Variants in TMEM132C observed in about 807,000 individuals in gnomAD.
TMEM132C encodes protein phosphatase 1, regulatory subunit 152.
Under a neutral mutation model 61.4 loss-of-function variants are expected in TMEM132C, and 29 were observed. That is an observed-to-expected ratio of 0.47 (90% CI 0.35 to 0.64). The LOEUF is 0.64. Among genes scored for constraint, TMEM132C ranks in the 30% least tolerant of loss-of-function variants. TMEM132C has a pLI of 0.00. For missense variants in TMEM132C, 1,408 were observed against 1,476.9 expected (o/e 0.95, Z 0.76); for synonymous variants, 656 against 633.1 (o/e 1.04, Z -0.54).
At chr12:128,434,915 G>C (rs7960249) in intron 2 of TMEM132C, among the ~76,000 whole-genome samples, 116,162 of 152,042 alleles carry the variant, frequency 0.76, 44,944 homozygotes, top group Non-Finnish European at 0.82. Context: ...AGCCACCGCA[G>C]CCGGCCCATA....
chr12:128,499,049 A>T (rs1872068467), intron 2 of TMEM132C, among the ~76,000 whole-genome samples: 1 of 152,208 alleles, frequency 6.6e-6, no homozygotes, highest in Non-Finnish European at 1.5e-5. Flanking sequence ...TTATAGGGAA[A>T]TACAAAGGAC....
chr12:128,358,777 A>G (rs916008630), intron 1 of TMEM132C, among the ~76,000 whole-genome samples: 3 of 152,188 alleles, frequency 2.0e-5, no homozygotes, highest in Non-Finnish European at 4.4e-5. Context: ...ATTTAAAAGA[A>G]AAAAATGCAC....
chr12:128,272,837 G>T (rs1870567359), intron 1 of TMEM132C, among the ~76,000 whole-genome samples: 1 of 151,954 alleles, frequency 6.6e-6, no homozygotes, highest in Non-Finnish European at 1.5e-5. Context: ...TTCAAATATT[G>T]TACCCATTTT....
chr12:128,692,342 G>A (rs1296826375), intron 5 of TMEM132C, among the ~76,000 whole-genome samples: 1 of 152,202 alleles, frequency 6.6e-6, no homozygotes, highest in Non-Finnish European at 1.5e-5. Flanking sequence ...ATAAGCAGCT[G>A]AGGTAAGGAA....
intron 2 of TMEM132C, among the ~76,000 whole-genome samples, chr12:128,465,401 A>C (rs1870696968): frequency 6.6e-6 from 1 of 151,936 alleles, no homozygotes; most frequent in Non-Finnish European, 1.5e-5. Context: ...GGTTTTTGCC[A>C]TGTTGGCCAG....
At chr12:128,603,193 A>G (rs1876265576) in intron 3 of TMEM132C, among the ~76,000 whole-genome samples, 1 of 152,138 alleles carries the variant, frequency 6.6e-6, no homozygotes, top group African/African-American at 2.4e-5. Context: ...GGCCCTGGAA[A>G]TTTTGCATTA....
At chr12:128,682,941 C>A (rs898682670) in intron 5 of TMEM132C, among the ~76,000 whole-genome samples, 19 of 152,308 alleles carry the variant, frequency 1.2e-4, no homozygotes, top group African/African-American at 4.3e-4. Flanking sequence ...TTTGTAGAGG[C>A]ATCACCGCAT....
intron 2 of TMEM132C, among the ~76,000 whole-genome samples, chr12:128,442,585 TTA>T (rs1491202986): frequency 3.3e-5 from 5 of 149,556 alleles, no homozygotes; most frequent in African/African-American, 1.2e-4. Flanking sequence ...TGTCAGTGTT[TTA>T]AAAAAAAAAA....
intron 6 of TMEM132C, among the ~76,000 whole-genome samples, chr12:128,695,557 A>G (rs1954753896): frequency 6.6e-6 from 1 of 152,232 alleles, no homozygotes; most frequent in Non-Finnish European, 1.5e-5. Flanking sequence ...ATTAATAAAA[A>G]TTAAAATAGC....
At position 128,326,029 on chromosome 12, in the gene TMEM132C, T is replaced by G. The variant is rs1193393; in HGVS notation, c.85+58542T>G. Among the ~76,000 whole-genome samples, 22,387 of 152,036 alleles carry G rather than the reference T, an allele frequency of 0.15. 3,626 individuals are homozygous for G. The highest frequency in any genetic ancestry group is 0.42 in the East Asian group (2,163 of 5,154). On this transcript the variant is annotated intron_variant, in intron 1 of 8. Coordinates refer to ENST00000435159, the MANE Select transcript of TMEM132C (RefSeq NM_001136103.3). The surrounding 1 kb of genome is among the most constrained non-coding windows in gnomAD (Gnocchi z 5.6). ...GTATTCCTGGGTCCTGACGCCATAC[T>G]CAGGACATGGCCAGTATTCACACAG...
chr12:128,659,780 GAA>G (rs63116460), intron 4 of TMEM132C, among the ~76,000 whole-genome samples: 2,134 of 147,930 alleles, frequency 0.014, 47 homozygotes, highest in African/African-American at 0.05. Context: ...GGTCTGGAGA[GAA>G]ATGAAAAATG....
At chr12:128,289,164 G>T (rs75768580) in intron 1 of TMEM132C, 1 of 95,122 alleles carries the variant, frequency 1.1e-5, no homozygotes, top group South Asian at 3.6e-4. Flanking sequence ...ACGCTCATAC[G>T]CATGCACTCA....
At chr12:128,398,357 C>T (rs1041954640) in intron 1 of TMEM132C, among the ~76,000 whole-genome samples, 3 of 152,166 alleles carry the variant, frequency 2.0e-5, no homozygotes, top group African/African-American at 4.8e-5. Context: ...ACTCTCTCTC[C>T]GCAGGGAAAA....
At chr12:128,342,765 G>GGGCCCC (rs1873018643) in intron 1 of TMEM132C, among the ~76,000 whole-genome samples, 5 of 152,210 alleles carry the variant, frequency 3.3e-5, no homozygotes, top group African/African-American at 1.2e-4. Context: ...TTCTCTGCCC[G>GGGCCCC]TGGGCCCCTG....
chr12:128,532,668 G>C (rs1276369207), intron 2 of TMEM132C, among the ~76,000 whole-genome samples: 1 of 104,546 alleles, frequency 9.6e-6, no homozygotes, highest in Non-Finnish European at 1.9e-5. Flanking sequence ...AAAAAAAAAA[G>C]AGCAGTAGCC....
intron 4 of TMEM132C, among the ~76,000 whole-genome samples, chr12:128,662,093 A>G (rs1326930506): frequency 6.6e-6 from 1 of 152,228 alleles, no homozygotes; most frequent in Admixed American, 6.5e-5. Flanking sequence ...GTAAAAGAAA[A>G]AAAATCTGAA....
At position 128,513,967 on chromosome 12, in the gene TMEM132C, G is replaced by A. The variant is rs533375432; in HGVS notation, c.975-29990G>A. Among the ~76,000 whole-genome samples, 56 of 152,308 alleles carry A rather than the reference G, an allele frequency of 3.7e-4. No homozygotes were observed. The South Asian group carries it at 0.011, about 30-fold the overall frequency. On this transcript the variant is annotated intron_variant, in intron 2 of 8. Transcript: ENST00000435159. ...AACAAGACAGACCGTAGGGAGGGTGGCATCGCCTCTTGGCTGGTCTGAGTT... is the reference window on the plus strand; with the variant it reads ...AACAAGACAGACCGTAGGGAGGGTGACATCGCCTCTTGGCTGGTCTGAGTT...
At chr12:128,487,361 A>G (rs569775724) in intron 2 of TMEM132C, among the ~76,000 whole-genome samples, 60 of 152,286 alleles carry the variant, frequency 3.9e-4, no homozygotes, top group African/African-American at 1.4e-3. Flanking sequence ...GAACTTGGCC[A>G]TAATCTAACA....
chr12:128,380,145 C>T (rs970960370), intron 1 of TMEM132C, among the ~76,000 whole-genome samples: 1 of 152,270 alleles, frequency 6.6e-6, no homozygotes, highest in African/African-American at 2.4e-5. Context: ...ACAACATGCA[C>T]TCCTGTCCTT....
Sources: gnomAD v4.1 joint callset for allele counts (sites outside exome capture counted in the v4.1 genomes callset) on GRCh38, gnomAD v4.1.1 for gene constraint, Gnocchi (gnomAD v3.1) non-coding constraint, MANE v1.5 for transcripts, NCBI Gene and HGNC (gene_info 2026-07-23, HGNC 2026-07-21) for gene names.